KAZN: variants seen among roughly 807,000 people sequenced by gnomAD.
KAZN encodes the protein kazrin, periplakin interacting protein.
A neutral mutation model predicts 87.4 loss-of-function variants in KAZN; 40 were observed. The ratio of observed to expected loss-of-function variants is 0.46; its 90% CI spans 0.36 to 0.60. The LOEUF (loss-of-function observed/expected upper bound fraction) is 0.60, where lower values mean the gene tolerates loss of function less well. Ranked by LOEUF, KAZN falls within the 20% of genes least tolerant of loss-of-function variation. The probability of loss-of-function intolerance (pLI) is 0.00; values close to 1 mark genes in which losing one functional copy is unlikely to be tolerated. For missense variants in KAZN, 898 were observed against 1,073.9 expected, an observed-to-expected ratio of 0.84 and a Z score of 2.29; for synonymous variants, 466 against 458.3, an observed-to-expected ratio of 1.02 and a Z score of -0.22.
chr1:14,635,106 G>T (rs1679865789), intron 1 of KAZN, among the ~76,000 whole-genome samples: 1 of 152,236 alleles, frequency 6.6e-6, no homozygotes, highest in Admixed American at 6.5e-5. Flanking sequence ...ATGCCAAGTT[G>T]TTTGTACTGG....
At chr1:13,984,804 A>G (rs1638931435) in intron 1 of KAZN, among the ~76,000 whole-genome samples, 1 of 152,238 alleles carries the variant, frequency 6.6e-6, no homozygotes, top group Non-Finnish European at 1.5e-5. Context: ...CACTTACCAT[A>G]TACATAATTC....
At chr1:14,082,742 G>C (rs1187004462) in intron 1 of KAZN, among the ~76,000 whole-genome samples, 1 of 152,122 alleles carries the variant, frequency 6.6e-6, no homozygotes, top group Non-Finnish European at 1.5e-5. Flanking sequence ...TAGCTGATCT[G>C]GATCAGGAGC....
Position 14,943,929 on chromosome 1 carries a change from C to T in KAZN, c.227-16755C>T, listed in dbSNP as rs1360194626. Among the ~76,000 whole-genome samples, 7 of 152,272 alleles carry T rather than the reference C, an allele frequency of 4.6e-5. No homozygotes were observed. In the East Asian group the frequency reaches 9.7e-4, roughly 21 times the overall value. ...TCTACTAAAAATACAAACTAATTAG[C>T]CGGGCGTGGTGGCGCATGCCTGTAA... On this transcript the variant is annotated intron_variant, in intron 1 of 14. Coordinates refer to ENST00000376030, the MANE Select transcript of KAZN (RefSeq NM_201628.3).
chr1:14,465,677 T>C (rs1055621908), intron 2 of KAZN, among the ~76,000 whole-genome samples: 7 of 152,156 alleles, frequency 4.6e-5, no homozygotes, highest in Admixed American at 1.3e-4. Context: ...AGGCCAGTCT[T>C]GTCAAGGGGA....
rs12141342 is a variant in KAZN, at chr1:14,769,767, C to T, written c.226+170544C>T. Among the ~76,000 whole-genome samples the T allele has an allele frequency of 0.68, 103,154 of 152,122 alleles. 36,378 individuals carry two copies. The highest frequency in any genetic ancestry group is 0.81 in the Middle Eastern group (237 of 294). On this transcript the variant is annotated intron_variant, in intron 1 of 14. Transcript: ENST00000376030. The surrounding 1 kb of genome is among the most constrained non-coding windows in gnomAD (Gnocchi z 4.1). ...AGTCAGCAAACATGGATTGACCATC[C>T]TCTGTGTGCTGCCAATGAGATTCCA...
At chr1:14,223,364 G>C (rs1049402522) in intron 2 of KAZN, among the ~76,000 whole-genome samples, 1 of 152,184 alleles carries the variant, frequency 6.6e-6, no homozygotes, top group Non-Finnish European at 1.5e-5. Flanking sequence ...TGTGATCCCA[G>C]TGCCAATGCC....
chr1:13,904,223 A>C (rs547541842), intron 1 of KAZN, among the ~76,000 whole-genome samples: 1 of 152,278 alleles, frequency 6.6e-6, no homozygotes, highest in South Asian at 2.1e-4. Context: ...GCCAGCATGC[A>C]CCTTCCTCAG....
intron 2 of KAZN, among the ~76,000 whole-genome samples, chr1:14,468,590 A>G (rs185305437): frequency 1.0e-3 from 154 of 152,292 alleles, no homozygotes; most frequent in African/African-American, 3.7e-3. Flanking sequence ...GAGTCTTCCT[A>G]CATGTCCACA....
At position 13,932,688 on chromosome 1, in the gene KAZN, C is replaced by T. The variant is rs146038884; in HGVS notation, c.91+38932C>T. ...GAGATAGTTGGCCACAGTAACACAG[C>T]TAGTAAATTTGATCCAAACTCAGGC... On this transcript the variant is annotated intron_variant, in intron 1 of 16. Transcript: ENST00000636203. Among the ~76,000 whole-genome samples, 423 of 152,286 alleles carry T rather than the reference C, an allele frequency of 2.8e-3. 2 individuals are homozygous for T. The highest frequency in any genetic ancestry group is 9.9e-3 in the African/African-American group (412 of 41,558).
intron 1 of KAZN, among the ~76,000 whole-genome samples, chr1:14,777,164 T>TG (rs202053732): frequency 0.55 from 81,942 of 149,258 alleles, 22,780 homozygotes; most frequent in South Asian, 0.65. Flanking sequence ...ATTTTTTTTT[T>TG]TTTTTGTATT....
At chr1:15,086,442 A>G (rs1438086966) in intron 8 of KAZN, among the ~76,000 whole-genome samples, 1 of 152,244 alleles carries the variant, frequency 6.6e-6, no homozygotes, top group Non-Finnish European at 1.5e-5. Context: ...TTTGAAGCAC[A>G]AGGGTAAAAC....
At chr1:14,849,687 C>T (rs61772358) in intron 1 of KAZN, among the ~76,000 whole-genome samples, 8,247 of 152,240 alleles carry the variant, frequency 0.054, 328 homozygotes, top group Admixed American at 0.11. Flanking sequence ...TAAGAGCTTG[C>T]GCTTTCTCTT....
Position 14,773,961 on chromosome 1 carries a change from C to T in KAZN, c.226+174738C>T, listed in dbSNP as rs1645097405. ...GGTTCTCACCGCCAAAGCCCTCCAG[C>T]CCATGGCTGCTGCCAACCAAGGCGC... On this transcript the variant is annotated intron_variant, in intron 1 of 14. Coordinates refer to ENST00000376030, the MANE Select transcript of KAZN (RefSeq NM_201628.3). The surrounding 1 kb of genome is among the most constrained non-coding windows in gnomAD (Gnocchi z 5.9). Among the ~76,000 whole-genome samples the T allele has an allele frequency of 6.6e-6, 1 of 152,250 alleles. No individual in the cohort carries two copies.
intron 1 of KAZN, among the ~76,000 whole-genome samples, chr1:14,745,396 C>A (rs1644236070): frequency 6.6e-6 from 1 of 152,034 alleles, no homozygotes; most frequent in Non-Finnish European, 1.5e-5. Context: ...TCCCCTGGCA[C>A]AATCGTGGGC....
intron 1 of KAZN, among the ~76,000 whole-genome samples, chr1:14,031,861 G>A (rs1641341012): frequency 6.7e-6 from 1 of 148,854 alleles, no homozygotes; most frequent in South Asian, 2.1e-4. Flanking sequence ...TGGAGTTTGT[G>A]TGCTTGAGAG....
chr1:15,065,027 C>CTTTT lies in KAZN; in HGVS notation c.1099-584_1099-581dup, dbSNP rs780410306. On this transcript the variant is annotated intron_variant, in intron 7 of 14. Coordinates refer to ENST00000376030, the MANE Select transcript of KAZN (RefSeq NM_201628.3). ...CACCGTCCTTGGGGTCTTTTTCTTT[C>CTTTT]TTTTTTTTTTTTTTTTTTTTTTGAG... Among the ~76,000 whole-genome samples, 350 of 102,704 alleles carry CTTTT rather than the reference C, an allele frequency of 3.4e-3. 4 individuals are homozygous for CTTTT. The highest frequency in any genetic ancestry group is 6.6e-3 in the East Asian group (23 of 3,496). 67.4% of individuals were successfully genotyped at this position (102,704 alleles called of 152,430 possible). A position where few individuals can be genotyped will look rare whatever the true frequency, so the allele number is the denominator to read the frequency against.
At chr1:14,959,607 C>T (rs1175192244) in intron 1 of KAZN, among the ~76,000 whole-genome samples, 1 of 152,132 alleles carries the variant, frequency 6.6e-6, no homozygotes, top group Admixed American at 6.5e-5. Context: ...CTCAAGGGGA[C>T]CTGCTTAATG....
rs1663788735 is a variant in KAZN, at chr1:14,960,973, G to C, written c.418+98G>C. ...GGGGAAGTGACGCAGATGGACACAG[G>C]GGTCTCCCAGCACCCACCTCCAGCT... On this transcript the variant is annotated intron_variant, in intron 2 of 14. Coordinates refer to ENST00000376030, the MANE Select transcript of KAZN (RefSeq NM_201628.3). The C allele has an allele frequency of 4.7e-6, 6 of 1,283,284 alleles. No homozygotes were observed. The South Asian group carries it at 9.3e-5, about 20-fold the overall frequency. The allele number at this position is 1,283,284 out of a possible 1,614,324, so 79.5% of individuals were successfully genotyped here. A position where few individuals can be genotyped will look rare whatever the true frequency, so the allele number is the denominator to read the frequency against.
intron 2 of KAZN, among the ~76,000 whole-genome samples, chr1:14,420,759 C>T (rs938457300): frequency 6.6e-6 from 1 of 152,182 alleles, no homozygotes; most frequent in Non-Finnish European, 1.5e-5. Context: ...CTAAGCCCCT[C>T]ACTGCCCGGG....
Sources: gnomAD v4.1 joint callset for allele counts (sites outside exome capture counted in the v4.1 genomes callset) on GRCh38, gnomAD v4.1.1 for gene constraint, Gnocchi (gnomAD v3.1) non-coding constraint, MANE v1.5 for transcripts, NCBI Gene and HGNC (gene_info 2026-07-23, HGNC 2026-07-21) for gene names.